The following LARGE1 variants were observed in gnomAD, a reference collection of about 807,000 sequenced individuals.
LARGE1 encodes the protein LARGE xylosyl- and glucuronyltransferase 1.
LARGE1 carries 43 observed loss-of-function variants against 87.6 expected under a neutral mutation model. The observed-to-expected ratio is 0.49, with a 90% CI of 0.38 to 0.63. The LOEUF (loss-of-function observed/expected upper bound fraction) is 0.63. LARGE1 is among the 30% of genes least tolerant of loss of function. The pLI is 0.00. For missense variants in LARGE1, 802 were observed against 1,000.2 expected (o/e 0.80, Z 2.67); for synonymous variants, 434 against 394.6 (o/e 1.10, Z -1.18).
chr22:33,114,803 A>G, the LARGE1 span, among the ~76,000 whole-genome samples: 1 of 152,216 alleles, frequency 6.6e-6, no homozygotes, highest in Non-Finnish European at 1.5e-5. Context: ...TAGTGAGGAC[A>G]AAACATACCA....
chr22:33,355,614 T>C (rs1940816822), intron 9 of LARGE1, among the ~76,000 whole-genome samples: 1 of 152,026 alleles, frequency 6.6e-6, no homozygotes, highest in Non-Finnish European at 1.5e-5. Flanking sequence ...ATTCAATTTA[T>C]GGTCTTTTCC....
chr22:33,679,373 G>A (rs992872901), intron 2 of LARGE1, among the ~76,000 whole-genome samples: 24 of 152,062 alleles, frequency 1.6e-4, no homozygotes, highest in African/African-American at 5.6e-4. Flanking sequence ...GACATAACTG[G>A]TTAAGATGAG....
At chr22:33,452,037 C>T (rs5754559) in intron 6 of LARGE1, among the ~76,000 whole-genome samples, 32,871 of 151,956 alleles carry the variant, frequency 0.22, 3,769 homozygotes, top group Non-Finnish European at 0.24. Flanking sequence ...ATCTGCTCAT[C>T]TGTTCATTCA....
chr22:33,391,740 T>C (rs1219332103), intron 7 of LARGE1, among the ~76,000 whole-genome samples: 1 of 151,746 alleles, frequency 6.6e-6, no homozygotes, highest in Non-Finnish European at 1.5e-5. Context: ...AAATCTATAA[T>C]TATCCACAGG....
chr22:33,273,810 G>A lies in LARGE1; in HGVS notation c.*617C>T, dbSNP rs1928613148. The A allele has an allele frequency of 2.5e-6, 1 of 396,308 alleles. No homozygotes were observed. The highest frequency in any genetic ancestry group is 3.6e-5 in the East Asian group (1 of 27,648). 24.5% of individuals were successfully genotyped at this position (396,308 alleles called of 1,614,324 possible). On this transcript the variant is annotated 3_prime_UTR_variant, in exon 15 of 15. Coordinates refer to ENST00000397394, the MANE Select transcript of LARGE1 (RefSeq NM_133642.5). The stretch of plus-strand genomic sequence containing the variant: ...CCCAAAAATAAACAAAACCCCCAAA[G>A]AAAAACAAAACAAAACAGGAGTGAC...
intron 1 of LARGE1, among the ~76,000 whole-genome samples, chr22:33,834,354 C>G (rs987765967): frequency 7.2e-5 from 11 of 152,176 alleles, no homozygotes; most frequent in African/African-American, 2.7e-4. Flanking sequence ...TCCAAATGGC[C>G]TGAAGTAACT....
At chr22:33,183,585 C>G in intron 11 of LARGE1, among the ~76,000 whole-genome samples, 1 of 148,078 alleles carries the variant, frequency 6.8e-6, no homozygotes, top group African/African-American at 2.6e-5. Flanking sequence ...CAACCTAAGT[C>G]TCTATTGATG....
intron 6 of LARGE1, among the ~76,000 whole-genome samples, chr22:33,547,645 T>C (rs1320874600): frequency 1.3e-5 from 2 of 151,340 alleles, no homozygotes; most frequent in East Asian, 3.9e-4. Flanking sequence ...AAAAAAAAAA[T>C]TAGCTGGGCA....
At chr22:33,376,596 A>C (rs1330841285) in intron 9 of LARGE1, among the ~76,000 whole-genome samples, 2 of 152,178 alleles carry the variant, frequency 1.3e-5, no homozygotes, top group Non-Finnish European at 2.9e-5. Context: ...TATCATAATG[A>C]TATAACAAAG....
rs561579122 is a variant in LARGE1, at chr22:33,262,505, C to T, written c.1730+41724G>A. On this transcript the variant is annotated intron_variant, in intron 11 of 11. Coordinates refer to the LARGE1 transcript ENST00000608642. ...CATTGCTCTTCCTGAGCACACCTGC[C>T]GCTCATGCCATCTTGCCTCCTCATG... Among the ~76,000 whole-genome samples, 16 of 152,252 alleles carry T rather than the reference C, an allele frequency of 1.1e-4. No individual in the cohort carries two copies. In the East Asian group the frequency reaches 2.7e-3, roughly 26 times the overall value.
downstream of LARGE1, among the ~76,000 whole-genome samples, chr22:33,270,461 C>A (rs112022085): frequency 6.6e-6 from 1 of 152,160 alleles, no homozygotes; most frequent in Non-Finnish European, 1.5e-5. Flanking sequence ...GATTTTGGTT[C>A]AAATTCTGGC....
intron 2 of LARGE1, among the ~76,000 whole-genome samples, chr22:33,655,600 A>G (rs911291595): frequency 6.6e-5 from 10 of 152,076 alleles, no homozygotes; most frequent in African/African-American, 2.4e-4. Context: ...GTATATGCAC[A>G]CTCTATTGGT....
At chr22:33,710,795 G>A (rs1161940996) in intron 2 of LARGE1, among the ~76,000 whole-genome samples, 2 of 152,106 alleles carry the variant, frequency 1.3e-5, no homozygotes, top group African/African-American at 4.8e-5. Flanking sequence ...GAAGGAAATG[G>A]CAAAATTCTT....
chr22:33,214,202 G>C (rs1039014948), intron 11 of LARGE1, among the ~76,000 whole-genome samples: 1 of 152,082 alleles, frequency 6.6e-6, no homozygotes, highest in Non-Finnish European at 1.5e-5. Flanking sequence ...CAAGATCAAG[G>C]TGTTTACATG....
intron 12 of LARGE1, among the ~76,000 whole-genome samples, chr22:33,293,599 G>A (rs1160574309): frequency 1.3e-5 from 2 of 152,206 alleles, no homozygotes; most frequent in African/African-American, 4.8e-5. Flanking sequence ...GGTCAAGGCA[G>A]TAGTGGGAGA....
At chr22:33,144,046 T>C in the LARGE1 span, among the ~76,000 whole-genome samples, 1 of 152,230 alleles carries the variant, frequency 6.6e-6, no homozygotes, top group African/African-American at 2.4e-5. Context: ...CTCTTTATTT[T>C]CTTTGATTCT....
chr22:33,747,902 G>GC (rs1308251472), intron 2 of LARGE1: 4 of 152,262 alleles, frequency 2.6e-5, no homozygotes, highest in African/African-American at 9.6e-5. Context: ...AGAGGGCCAA[G>GC]CAAATGAATC....
At chr22:33,289,231 T>C (rs1360691398) in intron 12 of LARGE1, among the ~76,000 whole-genome samples, 1 of 152,162 alleles carries the variant, frequency 6.6e-6, no homozygotes, top group Non-Finnish European at 1.5e-5. Flanking sequence ...GTGCTGGAAT[T>C]ACAGGCATGA....
chr22:33,383,513 C>T (rs1160017915), intron 8 of LARGE1, among the ~76,000 whole-genome samples: 3 of 152,052 alleles, frequency 2.0e-5, no homozygotes, highest in Non-Finnish European at 2.9e-5. Flanking sequence ...TGAGCCGAGA[C>T]TGTACCACTG....
Sources: gnomAD v4.1 joint callset for allele counts (sites outside exome capture counted in the v4.1 genomes callset) on GRCh38, gnomAD v4.1.1 for gene constraint, MANE v1.5 for transcripts, NCBI Gene and HGNC (gene_info 2026-07-23, HGNC 2026-07-21) for gene names.